Variants in LRBA observed in about 807,000 individuals in gnomAD.
LRBA encodes lipopolysaccharide-responsive and beige-like anchor protein.
A neutral mutation model predicts 330.0 loss-of-function variants in LRBA; 176 were observed. That is an observed-to-expected ratio of 0.53 (90% confidence interval 0.47 to 0.60). The LOEUF is 0.60. Among genes scored for constraint, LRBA ranks in the 20% least tolerant of loss-of-function variants. The pLI, the probability that LRBA is intolerant of heterozygous loss-of-function variation, is 0.00. For missense variants in LRBA, 3,259 were observed against 3,444.8 expected (o/e 0.95, Z 1.35); for synonymous variants, 1,230 against 1,193.0 (o/e 1.03, Z -0.64).
At chr4:150,745,717 T>C (rs181890829) in intron 35 of LRBA, among the ~76,000 whole-genome samples, 3 of 152,266 alleles carry the variant, frequency 2.0e-5, no homozygotes, top group Non-Finnish European at 4.4e-5. Context: ...GATTTCACTA[T>C]GTTGGCCAGG....
intron 37 of LRBA, among the ~76,000 whole-genome samples, chr4:150,607,950 G>A (rs1215116655): frequency 6.6e-6 from 1 of 152,300 alleles, no homozygotes; most frequent in East Asian, 1.9e-4. Context: ...CAGGAGAATT[G>A]CTTGAACCTG....
intron 29 of LRBA, among the ~76,000 whole-genome samples, chr4:150,829,019 T>C (rs1302668790): frequency 6.6e-6 from 1 of 150,632 alleles, no homozygotes; most frequent in African/African-American, 2.4e-5. Context: ...ACTGCAGCCT[T>C]GACCTCCTGG....
At chr4:150,792,756 C>G (rs1014452348) in intron 34 of LRBA, among the ~76,000 whole-genome samples, 4 of 152,116 alleles carry the variant, frequency 2.6e-5, no homozygotes, top group African/African-American at 9.7e-5. Context: ...ATCCTCCCAC[C>G]TGGGCTAAAT....
chr4:150,844,477 A>C (rs1749559782), intron 27 of LRBA, among the ~76,000 whole-genome samples, 181 bp downstream of exon 27: 1 of 151,484 alleles, frequency 6.6e-6, no homozygotes, highest in East Asian at 1.9e-4. Context: ...AGAGAGGTTT[A>C]AATATAAACA....
intron 2 of LRBA, among the ~76,000 whole-genome samples, chr4:150,995,816 G>A (rs1225616109): frequency 6.6e-6 from 1 of 151,976 alleles, no homozygotes; most frequent in East Asian, 1.9e-4. Flanking sequence ...ATTTCTATTG[G>A]AAAAATTTGG....
chr4:150,291,901 T>C (rs1008757706), intron 53 of LRBA, among the ~76,000 whole-genome samples: 1 of 152,102 alleles, frequency 6.6e-6, no homozygotes, highest in Non-Finnish European at 1.5e-5. Flanking sequence ...CCATAAAAAA[T>C]GATGAGTTCA....
chr4:150,672,091 A>G (rs763667451), intron 37 of LRBA, among the ~76,000 whole-genome samples: 4 of 152,346 alleles, frequency 2.6e-5, no homozygotes, highest in Admixed American at 2.6e-4. Flanking sequence ...AATTACAGGA[A>G]AATCCAATCT....
At chr4:150,652,654 A>G (rs938531164) in intron 37 of LRBA, among the ~76,000 whole-genome samples, 1 of 152,146 alleles carries the variant, frequency 6.6e-6, no homozygotes. Context: ...TTCAGCACAC[A>G]ATCAATATAA....
chr4:150,772,828 G>GTTC (rs1736768654), intron 34 of LRBA, among the ~76,000 whole-genome samples: 1 of 152,110 alleles, frequency 6.6e-6, no homozygotes, highest in African/African-American at 2.4e-5. Flanking sequence ...CTTGTTCTGA[G>GTTC]TTCTACTCAG....
rs547910701 is a variant in LRBA, at chr4:150,651,874, T to C, written c.5921+31677A>G. On this transcript the variant is annotated intron_variant, in intron 37 of 56. Transcript: ENST00000651943. ...TCCCACCTGATTGATGATTGATTGATTGATTTAGAGACAGGGTTTGCTCTG... is the reference window on the plus strand; with the variant it reads ...TCCCACCTGATTGATGATTGATTGACTGATTTAGAGACAGGGTTTGCTCTG... Among the ~76,000 whole-genome samples, 19 of 152,248 alleles carry C rather than the reference T, an allele frequency of 1.2e-4. No homozygotes were observed. In the East Asian group the frequency reaches 3.5e-3, roughly 28 times the overall value.
At chr4:150,735,496 T>A in intron 35 of LRBA, 130 bp from the exon 36 acceptor site, 1 of 665,588 alleles carries the variant, frequency 1.5e-6, no homozygotes, top group Non-Finnish European at 2.7e-6. Context: ...TGAGGTACCA[T>A]TATTTCATGC....
chr4:150,479,744 G>T (rs542317347), intron 42 of LRBA, among the ~76,000 whole-genome samples: 19 of 152,196 alleles, frequency 1.2e-4, no homozygotes, highest in African/African-American at 4.3e-4. Flanking sequence ...TGGGGTTTCT[G>T]CTTCATTCTC....
chr4:150,422,317 T>C lies in LRBA; in HGVS notation c.7042-6727A>G, dbSNP rs116789905. On this transcript the variant is annotated intron_variant, in intron 46 of 56. Transcript: ENST00000651943. The stretch of plus-strand genomic sequence containing the variant: ...TGCAAAGCCATGTTGGGAGCACAAC[T>C]GTTTCCCATAGGCTTTCTTTTTCCT... 6.8e-3 allele frequency among the ~76,000 whole-genome samples: 1,031 copies of C among 152,242 alleles called. 8 individuals carry two copies. Among genetic ancestry groups the C allele is most frequent in the Non-Finnish European group, 0.011 (723 of 68,014 alleles).
chr4:150,839,329 C>T (rs941710536), intron 28 of LRBA, among the ~76,000 whole-genome samples: 4 of 152,190 alleles, frequency 2.6e-5, no homozygotes, highest in East Asian at 1.9e-4. Context: ...GACAGTGTGG[C>T]GATTCCTCAG....
At chr4:150,404,380 T>A (rs916646650) in intron 47 of LRBA, among the ~76,000 whole-genome samples, 4 of 152,288 alleles carry the variant, frequency 2.6e-5, no homozygotes, top group Middle Eastern at 6.8e-3. Context: ...GAAGAGTATT[T>A]GTAAGTTTTT....
intron 11 of LRBA, 150 bp downstream of exon 11, chr4:150,908,184 C>T (rs1487639141): frequency 6.1e-6 from 4 of 654,776 alleles, no homozygotes; most frequent in South Asian, 2.7e-5. Context: ...TTAATACTGA[C>T]ATAATTAATA....
chr4:150,642,986 T>C (rs1423914781), intron 37 of LRBA, among the ~76,000 whole-genome samples: 1 of 151,910 alleles, frequency 6.6e-6, no homozygotes, highest in Non-Finnish European at 1.5e-5. Flanking sequence ...ATTCTAGTGA[T>C]TTGTGCAGGA....
At chr4:150,905,745 A>AT (rs1731256502) in intron 13 of LRBA, 93 bp downstream of exon 13, 6 of 1,164,200 alleles carry the variant, frequency 5.2e-6, no homozygotes, top group Admixed American at 2.3e-5. Flanking sequence ...ATAATAGTAC[A>AT]TAAAAAAAAG....
intron 40 of LRBA, among the ~76,000 whole-genome samples, chr4:150,507,425 A>G (rs1263972659): frequency 3.3e-5 from 5 of 152,152 alleles, no homozygotes; most frequent in Non-Finnish European, 5.9e-5. Flanking sequence ...ATAATGCCGC[A>G]TATCTACAAC....
Sources: gnomAD v4.1 joint callset for allele counts (sites outside exome capture counted in the v4.1 genomes callset) on GRCh38, gnomAD v4.1.1 for gene constraint, MANE v1.5 for transcripts, NCBI Gene and HGNC (gene_info 2026-07-23, HGNC 2026-07-21) for gene names.